Variants in PYGO1 observed in about 807,000 individuals in gnomAD.
PYGO1 encodes the protein pygopus homolog 1.
A neutral mutation model predicts 29.5 loss-of-function variants in PYGO1; 6 were observed. The observed-to-expected ratio is 0.20, with a 90% CI of 0.11 to 0.40. The LOEUF is 0.40. Among genes scored for constraint, PYGO1 ranks in the 10% least tolerant of loss-of-function variants. The pLI is 1.00. For missense variants in PYGO1, 515 were observed against 514.9 expected, an observed-to-expected ratio of 1.00 and a Z score of 0.00; for synonymous variants, 186 against 180.5, an observed-to-expected ratio of 1.03 and a Z score of -0.24.
chr15:55,550,731 T>C (rs937295575), intron 1 of PYGO1, among the ~76,000 whole-genome samples: 3 of 152,242 alleles, frequency 2.0e-5, no homozygotes, highest in South Asian at 2.1e-4. Flanking sequence ...TTACAAATTA[T>C]ATTACATTAA....
At chr15:55,569,970 T>C (rs2141667539) in intron 1 of PYGO1, among the ~76,000 whole-genome samples, 1 of 152,286 alleles carries the variant, frequency 6.6e-6, no homozygotes, top group South Asian at 2.1e-4. Flanking sequence ...ACCTGCAGCT[T>C]TTCCCAGTGT....
At chr15:55,581,618 T>C (rs1032742597) in intron 1 of PYGO1, among the ~76,000 whole-genome samples, 1 of 152,200 alleles carries the variant, frequency 6.6e-6, no homozygotes, top group Non-Finnish European at 1.5e-5. Flanking sequence ...TTATATATGT[T>C]ACTTAAGCAC....
rs540058660 is a variant in PYGO1 at position 55,569,420 on chromosome 15, T to A, written c.49+18415A>T. On this transcript the variant is annotated intron_variant, in intron 1 of 2. Coordinates refer to ENST00000563719, the MANE Select transcript of PYGO1 (RefSeq NM_001367806.1). ...TCTAACTTTTTGAGGTGATGTTCAGTGCTACATATGCTCCTTTTAATACTG... is the reference window on the plus strand; with the variant it reads ...TCTAACTTTTTGAGGTGATGTTCAGAGCTACATATGCTCCTTTTAATACTG... Among the ~76,000 whole-genome samples the A allele has an allele frequency of 5.3e-5, 8 of 152,330 alleles. No homozygotes were observed. In the South Asian group the frequency reaches 1.7e-3, roughly 32 times the overall value.
intron 1 of PYGO1, among the ~76,000 whole-genome samples, chr15:55,578,620 T>C (rs1324953358): frequency 6.6e-6 from 1 of 152,238 alleles, no homozygotes; most frequent in Non-Finnish European, 1.5e-5. Context: ...GCCAAGCATC[T>C]TTTTATGTAC....
At chr15:55,588,644 C>G (rs1195291921), upstream of PYGO1, among the ~76,000 whole-genome samples, 2 of 151,020 alleles carry the variant, frequency 1.3e-5, no homozygotes, top group Admixed American at 6.6e-5. Context: ...GCCCCGCGCC[C>G]GGCGCTCCCT....
intron 1 of PYGO1, among the ~76,000 whole-genome samples, chr15:55,551,382 A>G (rs1459461179): frequency 6.6e-6 from 1 of 152,200 alleles, no homozygotes; most frequent in Non-Finnish European, 1.5e-5. Context: ...GTCCACTTAA[A>G]TAGAAGCAGA....
intron 1 of PYGO1, among the ~76,000 whole-genome samples, chr15:55,576,922 A>C (rs933315326): frequency 5.9e-5 from 9 of 151,922 alleles, no homozygotes; most frequent in Admixed American, 5.3e-4. Context: ...AAAATCACTA[A>C]GCCAAGGGAA....
chr15:55,548,900 G>A lies in PYGO1; in HGVS notation c.135+10C>T, dbSNP rs967993936. The A allele has an allele frequency of 1.2e-6, 2 of 1,605,920 alleles. No homozygotes were observed. The highest frequency in any genetic ancestry group is 2.7e-5 in the African/African-American group (2 of 74,430). On this transcript the variant is annotated intron_variant, in intron 2 of 2. Transcript: ENST00000563719. ...AAGAAAAACTTTTATTAAAGAAAAT[G>A]TCAGTTTACCTGTGTATTTGCCTTG...
At chr15:55,555,539 G>A (rs1273916043) in intron 1 of PYGO1, among the ~76,000 whole-genome samples, 2 of 95,020 alleles carry the variant, frequency 2.1e-5, no homozygotes, top group African/African-American at 8.5e-5. Flanking sequence ...GGGGGGAGGG[G>A]GGAGGGATAG....
At chr15:55,562,066 A>G (rs2058935046) in intron 1 of PYGO1, among the ~76,000 whole-genome samples, 1 of 152,226 alleles carries the variant, frequency 6.6e-6, no homozygotes, top group African/African-American at 2.4e-5. Flanking sequence ...AAAGACATTT[A>G]TGCAGCCAAC....
intron 1 of PYGO1, among the ~76,000 whole-genome samples, chr15:55,551,504 A>C (rs530473276): frequency 7.2e-5 from 11 of 152,150 alleles, no homozygotes; most frequent in Non-Finnish European, 1.3e-4. Context: ...ACCTCCTAAG[A>C]ATACAGATGT....
At chr15:55,585,067 C>T (rs1029875685) in intron 1 of PYGO1, among the ~76,000 whole-genome samples, 2 of 152,164 alleles carry the variant, frequency 1.3e-5, no homozygotes, top group African/African-American at 4.8e-5. Context: ...TTTTGGTCTG[C>T]AGAGCATGCT....
chr15:55,580,671 G>C (rs764702199), intron 1 of PYGO1, among the ~76,000 whole-genome samples: 5 of 152,158 alleles, frequency 3.3e-5, no homozygotes, highest in African/African-American at 4.8e-5. Context: ...AAAAACCTTG[G>C]CAGTCAGGCT....
At chr15:55,548,882 A>G in intron 2 of PYGO1, 28 bp downstream of exon 2, 1 of 1,596,296 alleles carries the variant, frequency 6.3e-7, no homozygotes, top group Non-Finnish European at 8.5e-7. Flanking sequence ...GCAAAGAAAA[A>G]CTTTTATTAA....
chr15:55,580,286 T>C (rs2059020157), intron 1 of PYGO1, among the ~76,000 whole-genome samples: 1 of 152,358 alleles, frequency 6.6e-6, no homozygotes, highest in African/African-American at 2.4e-5. Context: ...AAATTTTTTT[T>C]TGTTCATTGT....
chr15:55,588,867 T>A (rs1320564325), upstream of PYGO1: 10 of 1,613,100 alleles, frequency 6.2e-6, no homozygotes, highest in Non-Finnish European at 8.5e-6. Context: ...GGATCCAGAT[T>A]CCCCGACTCC....
intron 1 of PYGO1, among the ~76,000 whole-genome samples, chr15:55,568,502 T>G (rs2058966888): frequency 6.6e-6 from 1 of 152,134 alleles, no homozygotes; most frequent in African/African-American, 2.4e-5. Context: ...AGCCTTTTGG[T>G]GGAGTCCTTA....
In PYGO1 at chr15:55,546,602, G is replaced by T; in HGVS notation, c.681C>A (p.Asn227Lys). The stretch of plus-strand genomic sequence containing the variant: ...GTGGTGCTTTTGCTTGACCAAAAGT[G>T]TTTGGGGGAGGAATAAAAGAATGAT... ...ESNHSFIPPP[N>K]TFGQAKAPPP... Residue 227 changes from asparagine to lysine, a missense_variant, in exon 3 of 3, where the codon AAC becomes AAA. Asn to Lys is a moderately conservative substitution (Grantham distance 94). Coordinates refer to ENST00000563719, the MANE Select transcript of PYGO1 (RefSeq NM_001367806.1). 6.2e-7 allele frequency: 1 copy of T among 1,613,844 alleles called. No homozygotes were observed. Among genetic ancestry groups the T allele is most frequent in the Non-Finnish European group, 8.5e-7 (1 of 1,179,872 alleles).
At chr15:55,577,944 T>A (rs2059010200) in intron 1 of PYGO1, among the ~76,000 whole-genome samples, 2 of 152,062 alleles carry the variant, frequency 1.3e-5, no homozygotes, top group African/African-American at 4.8e-5. Context: ...TTGGTGAATT[T>A]TTTTATTTGT....
Sources: gnomAD v4.1 joint callset for allele counts (sites outside exome capture counted in the v4.1 genomes callset) on GRCh38, gnomAD v4.1.1 for gene constraint, MANE v1.5 for transcripts, NCBI Gene and HGNC (gene_info 2026-07-23, HGNC 2026-07-21) for gene names.